The following MYO9A variants were observed in gnomAD, a reference collection of about 807,000 sequenced individuals.
MYO9A encodes the protein myosin IXA, also known as unconventional myosin-IXa.
MYO9A carries 103 observed loss-of-function variants against 293.3 expected under a neutral mutation model. The ratio of observed to expected loss-of-function variants is 0.35; its 90% CI spans 0.30 to 0.41. The LOEUF (loss-of-function observed/expected upper bound fraction) is 0.41, where lower values mean the gene tolerates loss of function less well. Ranked by LOEUF, MYO9A falls within the 10% of genes least tolerant of loss-of-function variation. The pLI, the probability that MYO9A is intolerant of heterozygous loss-of-function variation, is 1.00. For missense variants in MYO9A, 2,685 were observed against 3,033.0 expected (o/e 0.89, Z 2.69); for synonymous variants, 1,001 against 1,035.7 (o/e 0.97, Z 0.64).
rs1019225308 is a variant in MYO9A, at chr15:71,941,390, G to A, written c.2303-2463C>T. Among the ~76,000 whole-genome samples, 6 of 151,578 alleles carry A rather than the reference G, an allele frequency of 4.0e-5. No homozygotes were observed. The East Asian group carries it at 7.8e-4, about 20-fold the overall frequency. On this transcript the variant is annotated intron_variant, in intron 15 of 41. Transcript: ENST00000356056. The stretch of plus-strand genomic sequence containing the variant: ...GCAGAGGTTGCAGTGAGCCAAGATC[G>A]CGCCATTGCACTCCAGCCTGGATGA...
In MYO9A at chr15:72,041,620, C is replaced by T. The variant is rs533567885; in HGVS notation, c.840+4104G>A. The T allele has an allele frequency of 2.3e-4, 58 of 251,246 alleles. 1 individual carries two copies. The South Asian group carries it at 3.4e-3, about 15-fold the overall frequency. The allele number at this position is 251,246 out of a possible 1,614,324, so 15.6% of individuals were successfully genotyped here. On this transcript the variant is annotated intron_variant, in intron 2 of 41. Transcript: ENST00000356056. ...ATAGGGTGAGTGCTGGAAGCCCCAG[C>T]ATCTCCAGTAGTTAAATCAATTTCG...
Position 72,088,297 on chromosome 15 carries a change from T to C in MYO9A, c.-72+29383A>G, listed in dbSNP as rs139459739. 4.6e-4 allele frequency among the ~76,000 whole-genome samples: 70 copies of C among 152,360 alleles called. 3 individuals carry two copies. In the East Asian group the frequency reaches 0.013, roughly 28 times the overall value. On this transcript the variant is annotated intron_variant, in intron 1 of 41. Coordinates refer to ENST00000356056, the MANE Select transcript of MYO9A (RefSeq NM_006901.4). The stretch of plus-strand genomic sequence containing the variant: ...CTTGATACTGTTTTATAATAAACTC[T>C]ATAGAATACTAACTAGTTTTCTGTC...
intron 1 of MYO9A, among the ~76,000 whole-genome samples, chr15:72,066,484 C>CAAA (rs369900151): frequency 4.5e-5 from 4 of 88,684 alleles, no homozygotes; most frequent in East Asian, 2.5e-4. Flanking sequence ...GACTTGGTCT[C>CAAA]AAAAAAAAAA....
chr15:72,079,183 AAAC>A (rs1158655849), intron 1 of MYO9A, among the ~76,000 whole-genome samples: 1 of 152,188 alleles, frequency 6.6e-6, no homozygotes, highest in Non-Finnish European at 1.5e-5. Context: ...CCAAGATGCT[AAAC>A]AATAGGGGAA....
chr15:72,084,607 A>T (rs2079656271), intron 1 of MYO9A, among the ~76,000 whole-genome samples: 1 of 152,196 alleles, frequency 6.6e-6, no homozygotes, highest in Non-Finnish European at 1.5e-5. Flanking sequence ...GGCTGCTAAC[A>T]GTCTTTCCAT....
rs537865554 is a variant in MYO9A at position 72,080,281 on chromosome 15, C to A, written c.-71-33647G>T. Among the ~76,000 whole-genome samples, 8 of 146,262 alleles carry A rather than the reference C, an allele frequency of 5.5e-5. No individual in the cohort carries two copies. The South Asian group carries it at 1.3e-3, about 23-fold the overall frequency. On this transcript the variant is annotated intron_variant, in intron 1 of 41. Transcript: ENST00000356056. ...TGATATAAAATCAACTAACAACGTACCAATCAATAAACTAACCATGCTTCT... is the reference window on the plus strand; with the variant it reads ...TGATATAAAATCAACTAACAACGTAACAATCAATAAACTAACCATGCTTCT...
intron 19 of MYO9A, among the ~76,000 whole-genome samples, chr15:71,915,235 G>A (rs1183099612): frequency 6.6e-6 from 1 of 151,992 alleles, no homozygotes; most frequent in Admixed American, 6.6e-5. Flanking sequence ...TGTGAGGACA[G>A]AAGCAAGGTA....
chr15:72,098,453 T>A (rs1406678988), intron 1 of MYO9A, among the ~76,000 whole-genome samples: 1 of 152,128 alleles, frequency 6.6e-6, no homozygotes, highest in Admixed American at 6.6e-5. Flanking sequence ...TATTTGGAAA[T>A]TTTTAAATAT....
intron 31 of MYO9A, among the ~76,000 whole-genome samples, chr15:71,877,457 A>G (rs1420047417): frequency 6.6e-6 from 1 of 152,116 alleles, no homozygotes; most frequent in Non-Finnish European, 1.5e-5. Context: ...AAATTCAGAT[A>G]CTTATCTCTT....
At chr15:71,997,912 G>A (rs965128629) in intron 9 of MYO9A, among the ~76,000 whole-genome samples, 2 of 152,104 alleles carry the variant, frequency 1.3e-5, no homozygotes, top group African/African-American at 4.8e-5. Context: ...AGACAGTGTG[G>A]CAATTCCTCA....
chr15:72,101,067 G>T (rs1432483084), intron 1 of MYO9A, among the ~76,000 whole-genome samples: 2 of 136,762 alleles, frequency 1.5e-5, no homozygotes, highest in African/African-American at 5.3e-5. Flanking sequence ...GGAGGGAGGT[G>T]GGGGGTTCAG....
At chr15:71,880,654 G>T in intron 28 of MYO9A, 96 bp from the exon 29 acceptor site, 1 of 1,061,436 alleles carries the variant, frequency 9.4e-7, no homozygotes, top group Non-Finnish European at 1.4e-6. Flanking sequence ...ACAAGTCACT[G>T]AAGGAAACAT....
Position 71,861,576 on chromosome 15 carries a change from T to C in MYO9A, c.6091+924A>G, listed in dbSNP as rs2056124711. Among the ~76,000 whole-genome samples the C allele has an allele frequency of 2.7e-5, 4 of 147,414 alleles. No homozygotes were observed. The South Asian group carries it at 8.4e-4, about 31-fold the overall frequency. On this transcript the variant is annotated intron_variant, in intron 33 of 41. Transcript: ENST00000356056. Reference sequence around the variant, plus strand: ...TTTTGACTGTAATCTAATTTATTCATTTATCCATCCATCCATCCATCCATC... The same window carrying C: ...TTTTGACTGTAATCTAATTTATTCACTTATCCATCCATCCATCCATCCATC...
In MYO9A at chr15:71,898,636, C is replaced by T; in HGVS notation, c.3867G>A (p.Leu1289=). 6.2e-7 allele frequency: 1 copy of T among 1,614,050 alleles called. No homozygotes were observed. The highest frequency in any genetic ancestry group is 8.5e-7 in the Non-Finnish European group (1 of 1,179,982). Residue 1289 remains leucine, a synonymous_variant, in exon 25 of 42, where the codon TTG becomes TTA. Coordinates refer to ENST00000356056, the MANE Select transcript of MYO9A (RefSeq NM_006901.4). ...ELEQAIFSLE[L]LKVRSLGGIS... ...TACCACCAAGAGAACGAACTTTCAG[C>T]AATTCTAAGCTAAATATAGCTTGCT...
chr15:72,035,325 A>T (rs1043207165), intron 2 of MYO9A, among the ~76,000 whole-genome samples: 1 of 152,154 alleles, frequency 6.6e-6, no homozygotes, highest in African/African-American at 2.4e-5. Flanking sequence ...ATCAAGGCAC[A>T]AACATTATCA....
chr15:71,849,942 T>G (rs991499701), intron 38 of MYO9A, 94 bp downstream of exon 38: 2 of 1,485,656 alleles, frequency 1.3e-6, no homozygotes, highest in African/African-American at 2.8e-5. Context: ...CACCTGAATT[T>G]ATGAACCCAT....
chr15:71,961,808 ACTCCTGGACT>A (rs1307755272), intron 13 of MYO9A, among the ~76,000 whole-genome samples: 1 of 152,020 alleles, frequency 6.6e-6, no homozygotes, highest in Non-Finnish European at 1.5e-5. Flanking sequence ...CAGCTTGTTA[ACTCCTGGACT>A]CAGGCAATCC....
intron 1 of MYO9A, chr15:72,116,954 A>T (rs781629854): frequency 1.3e-5 from 2 of 152,198 alleles, no homozygotes; most frequent in Non-Finnish European, 2.9e-5. Flanking sequence ...CGGTCCCCTT[A>T]AGCCACAATG....
chr15:72,023,729 C>T (rs1386862222), intron 4 of MYO9A, among the ~76,000 whole-genome samples: 1 of 149,556 alleles, frequency 6.7e-6, no homozygotes, highest in Non-Finnish European at 1.5e-5. Flanking sequence ...GAAAAAAAGG[C>T]TCCTATACTG....
Sources: gnomAD v4.1 joint callset for allele counts (sites outside exome capture counted in the v4.1 genomes callset) on GRCh38, gnomAD v4.1.1 for gene constraint, MANE v1.5 for transcripts, NCBI Gene and HGNC (gene_info 2026-07-23, HGNC 2026-07-21) for gene names.